The following CDK6 variants were observed in gnomAD, a reference collection of about 807,000 sequenced individuals.
CDK6 encodes cyclin-dependent kinase 6.
CDK6 carries 6 observed loss-of-function variants against 37.1 expected under a neutral mutation model. The ratio of observed to expected loss-of-function variants is 0.16; its 90% CI spans 0.09 to 0.32. The LOEUF is 0.32. Among genes scored for constraint, CDK6 ranks in the 10% least tolerant of loss-of-function variants. CDK6 has a pLI of 1.00. For missense variants in CDK6, 224 were observed against 418.9 expected (o/e 0.53, Z 4.06); for synonymous variants, 160 against 161.3 (o/e 0.99, Z 0.06).
intron 4 of CDK6, among the ~76,000 whole-genome samples, chr7:92,673,400 T>C (rs778755365): frequency 6.6e-6 from 1 of 152,188 alleles, no homozygotes; most frequent in Non-Finnish European, 1.5e-5. Flanking sequence ...CACACATGGG[T>C]CAAGTTTTGT....
At chr7:92,723,966 T>C (rs1410486919) in intron 4 of CDK6, among the ~76,000 whole-genome samples, 3 of 151,916 alleles carry the variant, frequency 2.0e-5, no homozygotes, top group African/African-American at 4.8e-5. Flanking sequence ...TTTTTATTTA[T>C]GGTTATTAGT....
intron 5 of CDK6, among the ~76,000 whole-genome samples, chr7:92,636,453 A>G (rs1796171891): frequency 6.6e-6 from 1 of 152,134 alleles, no homozygotes; most frequent in Non-Finnish European, 1.5e-5. Context: ...GGCTGAGGGG[A>G]TATGATTATA....
At chr7:92,678,653 A>G (rs915133068) in intron 4 of CDK6, among the ~76,000 whole-genome samples, 3 of 152,208 alleles carry the variant, frequency 2.0e-5, no homozygotes, top group African/African-American at 7.2e-5. Context: ...AGGTCTTGAA[A>G]AAATTAGATG....
intron 3 of CDK6, among the ~76,000 whole-genome samples, chr7:92,771,812 T>C (rs1237032333): frequency 1.3e-5 from 2 of 152,204 alleles, no homozygotes; most frequent in African/African-American, 2.4e-5. Flanking sequence ...TCCCAATAGG[T>C]TGTTCAGAAT....
In CDK6 at chr7:92,726,995, C is replaced by T. The variant is rs3731311; in HGVS notation, c.370-1202G>A. On this transcript the variant is annotated intron_variant, in intron 3 of 7. Transcript: ENST00000424848. ...GTTATTATTAACCAGTATGGAGGAG[C>T]GGATCATTCAGGATATAAACCAATA... Among the ~76,000 whole-genome samples the T allele has an allele frequency of 1.1e-3, 166 of 152,180 alleles. 1 individual carries two copies. The highest frequency in any genetic ancestry group is 3.7e-3 in the African/African-American group (155 of 41,520).
At chr7:92,616,450 C>T (rs1225107216) in intron 7 of CDK6, among the ~76,000 whole-genome samples, 1 of 152,180 alleles carries the variant, frequency 6.6e-6, no homozygotes, top group Non-Finnish European at 1.5e-5. Flanking sequence ...TCCATGGTTG[C>T]TAGCCTCCCT....
Position 92,747,364 on chromosome 7 carries a change from A to G in CDK6, c.370-21571T>C, listed in dbSNP as rs578177607. Among the ~76,000 whole-genome samples the G allele has an allele frequency of 1.5e-3, 230 of 152,322 alleles. 2 individuals carry two copies. Among genetic ancestry groups the G allele is most frequent in the African/African-American group, 5.1e-3 (211 of 41,570 alleles). ...TCTCCTAAACGAGCACACTGCTACC[A>G]GATTAATCAGCTGAAAACACAACAA... On this transcript the variant is annotated intron_variant, in intron 3 of 7. Transcript: ENST00000424848.
intron 4 of CDK6, among the ~76,000 whole-genome samples, chr7:92,680,699 T>C (rs1346469202): frequency 2.0e-5 from 3 of 152,156 alleles, no homozygotes; most frequent in African/African-American, 4.8e-5. Context: ...TTGGCTCACA[T>C]GGGGCCACTG....
chr7:92,694,545 GC>G (rs904692308), intron 4 of CDK6, among the ~76,000 whole-genome samples: 11 of 152,186 alleles, frequency 7.2e-5, no homozygotes, highest in African/African-American at 2.7e-4. Flanking sequence ...TTCCAGAAGA[GC>G]CTGTGAAGAA....
intron 4 of CDK6, among the ~76,000 whole-genome samples, chr7:92,710,009 T>C (rs1043313300): frequency 1.3e-5 from 2 of 152,200 alleles, no homozygotes; most frequent in Admixed American, 1.3e-4. Context: ...GATTGGTGAA[T>C]ATATCAGTGC....
intron 5 of CDK6, among the ~76,000 whole-genome samples, chr7:92,637,809 T>C (rs1045816200): frequency 5.3e-5 from 8 of 152,090 alleles, no homozygotes; most frequent in Middle Eastern, 3.2e-3. Context: ...ATGGTATACA[T>C]ACAAGGTGAT....
intron 4 of CDK6, among the ~76,000 whole-genome samples, chr7:92,720,113 G>T (rs1260852906): frequency 6.6e-6 from 1 of 152,118 alleles, no homozygotes; most frequent in Non-Finnish European, 1.5e-5. Flanking sequence ...AAACCAGGAG[G>T]CACCAGTTCA....
chr7:92,716,153 AT>A (rs1798225765), intron 4 of CDK6, among the ~76,000 whole-genome samples: 1 of 152,234 alleles, frequency 6.6e-6, no homozygotes, highest in African/African-American at 2.4e-5. Context: ...GATGCTTATA[AT>A]TGATGATGCA....
chr7:92,735,758 C>T (rs542287664), intron 3 of CDK6, among the ~76,000 whole-genome samples: 10 of 152,162 alleles, frequency 6.6e-5, no homozygotes, highest in Admixed American at 6.5e-4. Context: ...ATTATAGTGA[C>T]CTTTGCTCTT....
chr7:92,623,196 G>T, intron 5 of CDK6, 110 bp from the exon 6 acceptor site: 1 of 735,318 alleles, frequency 1.4e-6, no homozygotes, highest in Non-Finnish European at 2.3e-6. Context: ...TATGGGTTGG[G>T]AAGAAGTAAA....
At chr7:92,701,445 G>A (rs1352169135) in intron 4 of CDK6, among the ~76,000 whole-genome samples, 2 of 149,344 alleles carry the variant, frequency 1.3e-5, no homozygotes, top group Admixed American at 6.7e-5. Flanking sequence ...TCGCTCTGTC[G>A]CCCAGGCTGG....
In CDK6 at chr7:92,607,290, C is replaced by T. The variant is rs1192494441; in HGVS notation, c.*7850G>A. 4.3e-6 allele frequency: 1 copy of T among 233,604 alleles called. No individual in the cohort carries two copies. The highest frequency in any genetic ancestry group is 2.2e-5 in the African/African-American group (1 of 45,342). 14.5% of individuals were successfully genotyped at this position (233,604 alleles called of 1,614,324 possible). A position where few individuals can be genotyped will look rare whatever the true frequency, so the allele number is the denominator to read the frequency against. ...GAGGAGGCACCACCCAGGCACTGGT[C>T]TCTGCCTGGCATCTATTCCGAGGGC... On this transcript the variant is annotated 3_prime_UTR_variant, in exon 8 of 8. Coordinates refer to ENST00000424848, the MANE Select transcript of CDK6 (RefSeq NM_001145306.2).
intron 3 of CDK6, among the ~76,000 whole-genome samples, chr7:92,748,108 T>A (rs1306490644): frequency 1.3e-5 from 2 of 152,206 alleles, no homozygotes; most frequent in East Asian, 3.8e-4. Flanking sequence ...AAACTTATTG[T>A]GTGTTCTAAT....
At chr7:92,633,639 T>C (rs1475983843) in intron 5 of CDK6, among the ~76,000 whole-genome samples, 1 of 151,742 alleles carries the variant, frequency 6.6e-6, no homozygotes, top group Non-Finnish European at 1.5e-5. Flanking sequence ...TTTTTTTTTT[T>C]TCCCTCTGTG....
Sources: gnomAD v4.1 joint callset for allele counts (sites outside exome capture counted in the v4.1 genomes callset) on GRCh38, gnomAD v4.1.1 for gene constraint, MANE v1.5 for transcripts, NCBI Gene and HGNC (gene_info 2026-07-23, HGNC 2026-07-21) for gene names.